CFAP161: variants seen among roughly 807,000 people sequenced by gnomAD.
CFAP161 encodes cilia and flagella associated protein 161.
CFAP161 carries 25 observed loss-of-function variants against 29.0 expected under a neutral mutation model. That is an observed-to-expected ratio of 0.86 (90% CI 0.63 to 1.20). The LOEUF (loss-of-function observed/expected upper bound fraction) is 1.20. Among genes scored for constraint, CFAP161 ranks in the 50% most tolerant of loss-of-function variants. The probability of loss-of-function intolerance (pLI) is 0.00; values close to 1 mark genes in which losing one functional copy is unlikely to be tolerated. For synonymous variants in CFAP161, 116 were observed against 137.4 expected (o/e 0.84, Z 1.09); for missense variants, 367 against 371.9 (o/e 0.99, Z 0.11).
intron 1 of CFAP161, among the ~76,000 whole-genome samples, chr15:81,107,274 A>C (rs1894383590): frequency 1.3e-5 from 2 of 152,208 alleles, no homozygotes; most frequent in African/African-American, 4.8e-5. Context: ...TCTTACATAC[A>C]TATCCACACT....
upstream of CFAP161, among the ~76,000 whole-genome samples, chr15:81,133,997 A>G (rs556358703): frequency 6.6e-6 from 1 of 152,306 alleles, no homozygotes; most frequent in Admixed American, 6.5e-5. Context: ...TCGACAAGCA[A>G]GGGGTACTCG....
chr15:81,113,865 G>A (rs1894465577), intron 1 of CFAP161, among the ~76,000 whole-genome samples: 1 of 152,274 alleles, frequency 6.6e-6, no homozygotes, highest in African/African-American at 2.4e-5. Flanking sequence ...GGTCCTTCTG[G>A]TGGCCAGTCC....
intron 1 of CFAP161, among the ~76,000 whole-genome samples, chr15:81,107,509 T>G (rs1222332561): frequency 6.6e-6 from 1 of 152,194 alleles, no homozygotes; most frequent in Non-Finnish European, 1.5e-5. Context: ...GCGGATCACC[T>G]GAGGTCGGGA....
chr15:81,134,098 A>T (rs527941271), upstream of CFAP161: 6 of 529,432 alleles, frequency 1.1e-5, no homozygotes, highest in Non-Finnish European at 1.4e-5. Flanking sequence ...CCTCTCGCCC[A>T]CCCTGCAGTT....
chr15:81,103,040 C>T (rs1258388320), intron 1 of CFAP161, among the ~76,000 whole-genome samples: 6 of 150,992 alleles, frequency 4.0e-5, no homozygotes, highest in Non-Finnish European at 7.4e-5. Flanking sequence ...AGGGCAGCCG[C>T]TGGAGAAAGA....
chr15:81,133,788 T>A (rs75396701), upstream of CFAP161, among the ~76,000 whole-genome samples: 1,350 of 152,286 alleles, frequency 8.9e-3, 23 homozygotes, highest in African/African-American at 0.028. Flanking sequence ...GGTATATTTC[T>A]TACTTTTAAG....
chr15:81,144,567 GC>G (rs1894973748), intron 5 of CFAP161, among the ~76,000 whole-genome samples: 1 of 152,228 alleles, frequency 6.6e-6, no homozygotes, highest in East Asian at 1.9e-4. Context: ...TCGCACTCCA[GC>G]CTGGGTGACA....
At chr15:81,121,804 T>C (rs1301894313) in intron 1 of CFAP161, among the ~76,000 whole-genome samples, 2 of 152,188 alleles carry the variant, frequency 1.3e-5, no homozygotes, top group Non-Finnish European at 2.9e-5. Flanking sequence ...ACAGACTGTT[T>C]CATCACCCAG....
upstream of CFAP161, among the ~76,000 whole-genome samples, chr15:81,131,477 A>G (rs2141874730): frequency 6.6e-6 from 1 of 152,326 alleles, no homozygotes; most frequent in African/African-American, 2.4e-5. Flanking sequence ...TAAAATATCA[A>G]TAGAGAGAAA....
intron 1 of CFAP161, among the ~76,000 whole-genome samples, chr15:81,104,899 T>G (rs924789723): frequency 1.3e-5 from 2 of 151,728 alleles, no homozygotes; most frequent in African/African-American, 4.9e-5. Flanking sequence ...CTTGGTGGGT[T>G]AAAACAAGGG....
chr15:81,112,219 G>T (rs1894447444), intron 1 of CFAP161, among the ~76,000 whole-genome samples: 1 of 150,562 alleles, frequency 6.6e-6, no homozygotes, highest in African/African-American at 2.5e-5. Context: ...TTACTACACT[G>T]TGATGACTTA....
At chr15:81,112,994 A>G (rs1347469227) in intron 1 of CFAP161, among the ~76,000 whole-genome samples, 1 of 152,198 alleles carries the variant, frequency 6.6e-6, no homozygotes. Flanking sequence ...GTTTTTGAGG[A>G]ATGTAAATTT....
upstream of CFAP161, among the ~76,000 whole-genome samples, chr15:81,129,613 A>G (rs746536865): frequency 3.9e-5 from 6 of 152,218 alleles, no homozygotes; most frequent in Non-Finnish European, 8.8e-5. Flanking sequence ...CTACAATTTG[A>G]GATGAGATTT....
intron 1 of CFAP161, among the ~76,000 whole-genome samples, chr15:81,125,811 A>T (rs1352050096): frequency 6.6e-6 from 1 of 152,144 alleles, no homozygotes; most frequent in African/African-American, 2.4e-5. Context: ...TATAGCTTTC[A>T]TTTTAGTATT....
chr15:81,117,591 C>G (rs538494058), intron 1 of CFAP161: 1 of 167,284 alleles, frequency 6.0e-6, no homozygotes, highest in East Asian at 1.9e-4. Context: ...ATGAATAGTC[C>G]AAACAATACT....
At chr15:81,111,632 C>T (rs943790449) in intron 1 of CFAP161, among the ~76,000 whole-genome samples, 7 of 152,174 alleles carry the variant, frequency 4.6e-5, no homozygotes, top group African/African-American at 7.2e-5. Context: ...ACTCTTGCCT[C>T]GATGCTGAAG....
chr15:81,133,211 ATATATATATATATGTATT>A (rs1210709343), upstream of CFAP161, among the ~76,000 whole-genome samples: 300 of 42,442 alleles, frequency 7.1e-3, 12 homozygotes, highest in Non-Finnish European at 1.0e-2. Context: ...ATATATATAT[ATATATATATATATGTATT>A]TTTTTTTAAA....
intron 4 of CFAP161, among the ~76,000 whole-genome samples, 192 bp downstream of exon 4, chr15:81,138,327 A>G (rs1481161834): frequency 6.6e-6 from 1 of 152,232 alleles, no homozygotes; most frequent in African/African-American, 2.4e-5. Context: ...AACTTCCCAA[A>G]TTACAAAAAC....
Position 81,142,685 on chromosome 15 carries a change from T to C in CFAP161, c.478-977T>C, listed in dbSNP as rs150357310. Among the ~76,000 whole-genome samples the C allele has an allele frequency of 6.8e-4, 103 of 152,306 alleles. No homozygotes were observed. In the Middle Eastern group the frequency reaches 0.014, roughly 20 times the overall value. On this transcript the variant is annotated intron_variant, in intron 4 of 6. Coordinates refer to ENST00000286732, the MANE Select transcript of CFAP161 (RefSeq NM_173528.4). ...TAGTAACTCATCTCTGCCTTCCCCA[T>C]AGTGCCTCACAGCACAGCCTTGCAT...
Sources: allele counts gnomAD v4.1 joint callset (sites outside exome capture counted in the v4.1 genomes callset), GRCh38; gene constraint gnomAD v4.1.1; transcripts MANE v1.5; gene names NCBI Gene and HGNC (gene_info 2026-07-23, HGNC 2026-07-21).